RAD1: variants seen among roughly 807,000 people sequenced by gnomAD.
The protein encoded by RAD1 is RAD1 checkpoint DNA exonuclease, also known as cell cycle checkpoint protein RAD1.
RAD1 carries 21 observed loss-of-function variants against 30.0 expected under a neutral mutation model. The observed-to-expected ratio is 0.70, with a 90% CI of 0.50 to 1.01. RAD1 has a LOEUF of 1.01. RAD1 is among the 50% of genes least tolerant of loss of function. RAD1 has a pLI of 0.00. For missense variants in RAD1, 329 were observed against 329.0 expected (o/e 1.00, Z 0.00); for synonymous variants, 109 against 113.6 (o/e 0.96, Z 0.26).
chr5:34,910,150 A>T (rs879844114), intron 4 of RAD1, among the ~76,000 whole-genome samples: 2 of 152,156 alleles, frequency 1.3e-5, no homozygotes, highest in African/African-American at 4.8e-5. Flanking sequence ...GCAGGTACTT[A>T]AAATTTAACA....
At position 34,905,398 on chromosome 5, in the gene RAD1, A is replaced by G. The variant is rs148018692; in HGVS notation, c.*3367T>C. 10 of 152,316 alleles carry G rather than the reference A, an allele frequency of 6.6e-5. No individual in the cohort carries two copies. The highest frequency in any genetic ancestry group is 1.9e-4 in the African/African-American group (8 of 41,570). 9.4% of individuals were successfully genotyped at this position (152,316 alleles called of 1,614,324 possible). A position where few individuals can be genotyped will look rare whatever the true frequency, so the allele number is the denominator to read the frequency against. ...TGAGAGTGCCACATTCTGCCCTTTT[A>G]GCAATTTTAATTAATTTTTACTAGG... On this transcript the variant is annotated 3_prime_UTR_variant, in exon 6 of 6. Transcript: ENST00000382038.
In RAD1 at chr5:34,913,659, G is replaced by A. The variant is rs371819009; in HGVS notation, c.199-81C>T. On this transcript the variant is annotated intron_variant, in intron 2 of 5. Transcript: ENST00000382038. Reference sequence around the variant, plus strand: ...TAAGGTCCTAGATTTCACTTTATACGTTTAAAAAATACAATACTGTGCTAA... The same window carrying A: ...TAAGGTCCTAGATTTCACTTTATACATTTAAAAAATACAATACTGTGCTAA... The A allele has an allele frequency of 9.8e-5, 80 of 815,332 alleles. 1 individual carries two copies. Among genetic ancestry groups the A allele is most frequent in the Admixed American group, 3.5e-4 (13 of 37,168 alleles). 50.5% of individuals were successfully genotyped at this position (815,332 alleles called of 1,614,324 possible). A position where few individuals can be genotyped will look rare whatever the true frequency, so the allele number is the denominator to read the frequency against.
intron 3 of RAD1, 128 bp from the exon 4 acceptor site, chr5:34,911,940 T>G: frequency 9.1e-7 from 1 of 1,099,698 alleles, no homozygotes; most frequent in Non-Finnish European, 1.3e-6. Flanking sequence ...ATGTATCTCC[T>G]CATAAAAAGG....
intron 3 of RAD1, among the ~76,000 whole-genome samples, chr5:34,913,011 A>AC (rs1763900066): frequency 6.6e-6 from 1 of 152,220 alleles, no homozygotes; most frequent in Non-Finnish European, 1.5e-5. Context: ...CAAAAACACC[A>AC]CAAAATCATT....
intron 3 of RAD1, among the ~76,000 whole-genome samples, chr5:34,912,830 T>C (rs1191588489): frequency 1.3e-5 from 2 of 152,084 alleles, no homozygotes; most frequent in African/African-American, 4.8e-5. Context: ...TGAAACCCCA[T>C]CTCTACTAAA....
intron 2 of RAD1, among the ~76,000 whole-genome samples, chr5:34,914,205 T>C (rs1444948654): frequency 1.3e-5 from 2 of 152,198 alleles, no homozygotes; most frequent in African/African-American, 4.8e-5. Context: ...TCTTTAGTAA[T>C]AGCATATCGC....
intron 4 of RAD1, among the ~76,000 whole-genome samples, chr5:34,911,207 T>C (rs1047208151): frequency 6.6e-6 from 1 of 152,236 alleles, no homozygotes. Context: ...TTGAAAAAGA[T>C]ACCATAATAC....
In RAD1 at chr5:34,914,941, T is replaced by C. The variant is rs752937666; in HGVS notation, c.-49A>G. ...AGGGATGCTCCTGGGGCCAACAACT[T>C]CTCGGCGGATCGCCAAACACCTGAA... On this transcript the variant is annotated 5_prime_UTR_variant, in exon 2 of 6. Coordinates refer to ENST00000382038, the MANE Select transcript of RAD1 (RefSeq NM_002853.4). 15 of 1,599,240 alleles carry C rather than the reference T, an allele frequency of 9.4e-6. No individual in the cohort carries two copies. Among genetic ancestry groups the C allele is most frequent in the Non-Finnish European group, 1.3e-5 (15 of 1,170,840 alleles).
intron 4 of RAD1, among the ~76,000 whole-genome samples, chr5:34,910,591 C>A (rs901463090): frequency 6.6e-6 from 1 of 152,098 alleles, no homozygotes; most frequent in African/African-American, 2.4e-5. Flanking sequence ...CCACGCCCAA[C>A]TAATTTTTCT....
At chr5:34,911,880 A>AT in intron 3 of RAD1, 68 bp from the exon 4 acceptor site, 1 of 1,523,742 alleles carries the variant, frequency 6.6e-7, no homozygotes, top group Non-Finnish European at 8.9e-7. Flanking sequence ...CCTCGAAATG[A>AT]TACATAAAAT....
At position 34,908,671 on chromosome 5, in the gene RAD1, G is replaced by C; in HGVS notation, c.*94C>G. ...TTCCCCATTGTGCTTCTTCTCTATA[G>C]AAAATCCAATATGAAATGACAAAGA... On this transcript the variant is annotated 3_prime_UTR_variant, in exon 6 of 6. Transcript: ENST00000382038. 8.5e-7 allele frequency: 1 copy of C among 1,178,028 alleles called. No homozygotes were observed. The allele number at this position is 1,178,028 out of a possible 1,614,324, so 73.0% of individuals were successfully genotyped here. A position where few individuals can be genotyped will look rare whatever the true frequency, so the allele number is the denominator to read the frequency against.
At chr5:34,914,330 A>G in intron 2 of RAD1, 1 of 296,614 alleles carries the variant, frequency 3.4e-6, no homozygotes, top group Non-Finnish European at 6.6e-6. Flanking sequence ...CCTCGTTTCC[A>G]CATATATAAA....
At position 34,906,438 on chromosome 5, in the gene RAD1, AG is replaced by A. The variant is rs1399576329; in HGVS notation, c.*2326del. ...TGGATTGCTTGAGCTCAGGAGTTCA[AG>A]ATTAGCCTAGGGAACATAGTAAAAC... On this transcript the variant is annotated 3_prime_UTR_variant, in exon 6 of 6. Transcript: ENST00000382038. The A allele has an allele frequency of 1.3e-5, 2 of 152,076 alleles. No individual in the cohort carries two copies. The highest frequency in any genetic ancestry group is 3.9e-4 in the East Asian group (2 of 5,170). 9.4% of individuals were successfully genotyped at this position (152,076 alleles called of 1,614,324 possible). A position where few individuals can be genotyped will look rare whatever the true frequency, so the allele number is the denominator to read the frequency against.
chr5:34,907,451 G>A lies in RAD1; in HGVS notation c.*1314C>T, dbSNP rs1763689433. 1 of 152,104 alleles carries A rather than the reference G, an allele frequency of 6.6e-6. No homozygotes were observed. The highest frequency in any genetic ancestry group is 1.5e-5 in the Non-Finnish European group (1 of 68,034). 9.4% of individuals were successfully genotyped at this position (152,104 alleles called of 1,614,324 possible). A position where few individuals can be genotyped will look rare whatever the true frequency, so the allele number is the denominator to read the frequency against. ...AGGGACACTCAGCTGTTGTCACCTG[G>A]TACAGTAACAAAGACAGAAGCTTCA... On this transcript the variant is annotated 3_prime_UTR_variant, in exon 6 of 6. Transcript: ENST00000382038.
rs1243412005 is a variant in RAD1 at position 34,907,095 on chromosome 5, T to C, written c.*1670A>G. ...CCTGGCCACCTCCCAGAATTGTCCA[T>C]ATGCCTGGGAAGCAGTGCCTGCCAT... is the stretch of plus-strand genomic sequence containing the variant. On this transcript the variant is annotated 3_prime_UTR_variant, in exon 6 of 6. Coordinates refer to ENST00000382038, the MANE Select transcript of RAD1 (RefSeq NM_002853.4). The C allele has an allele frequency of 3.3e-5, 5 of 152,232 alleles. No individual in the cohort carries two copies. Among genetic ancestry groups the C allele is most frequent in the East Asian group, 1.9e-4 (1 of 5,202 alleles). 9.4% of individuals were successfully genotyped at this position (152,232 alleles called of 1,614,324 possible).
intron 4 of RAD1, 71 bp from the exon 5 acceptor site, chr5:34,909,427 A>G: frequency 9.4e-7 from 1 of 1,067,138 alleles, no homozygotes; most frequent in Non-Finnish European, 1.4e-6. Flanking sequence ...AATAAAGAAA[A>G]CACTTCCTTA....
At position 34,915,454 on chromosome 5, in the gene RAD1, GCA is replaced by G. The variant is rs1764033020; in HGVS notation, c.-110_-109del. The G allele has an allele frequency of 5.7e-6, 2 of 353,440 alleles. No individual in the cohort carries two copies. The highest frequency in any genetic ancestry group is 4.2e-5 in the African/African-American group (2 of 47,388). The allele number at this position is 353,440 out of a possible 1,614,324, so 21.9% of individuals were successfully genotyped here. A position where few individuals can be genotyped will look rare whatever the true frequency, so the allele number is the denominator to read the frequency against. On this transcript the variant is annotated 5_prime_UTR_variant, in exon 1 of 6. Transcript: ENST00000382038. ...TCTGGACGCCCGAGAGCCCTTCTCA[GCA>G]AAGTCCCTGAAGAGGAGCGAGGCGG...
chr5:34,914,517 C>T, intron 2 of RAD1, 178 bp downstream of exon 2: 1 of 649,918 alleles, frequency 1.5e-6, no homozygotes, highest in Non-Finnish European at 2.6e-6. Flanking sequence ...AAAAAAAATT[C>T]AAGTAATGAC....
At chr5:34,914,520 G>T in intron 2 of RAD1, 175 bp downstream of exon 2, 1 of 657,922 alleles carries the variant, frequency 1.5e-6, no homozygotes, top group Non-Finnish European at 2.5e-6. Context: ...AAAAATTCAA[G>T]TAATGACGTT....
Sources: allele counts gnomAD v4.1 joint callset (sites outside exome capture counted in the v4.1 genomes callset), GRCh38; gene constraint gnomAD v4.1.1; transcripts MANE v1.5; gene names NCBI Gene and HGNC (gene_info 2026-07-23, HGNC 2026-07-21).